RGPD2: variants seen among roughly 807,000 people sequenced by gnomAD.
RGPD2 encodes the protein RANBP2 like and GRIP domain containing 2.
RGPD2 carries 2 observed loss-of-function variants against 36.0 expected under a neutral mutation model. The observed-to-expected ratio is 0.06, with a 90% CI of 0.02 to 0.17. The LOEUF (loss-of-function observed/expected upper bound fraction) is 0.17. RGPD2 is among the 10% of genes least tolerant of loss of function. RGPD2 has a pLI of 1.00. For missense variants in RGPD2, 40 were observed against 464.3 expected, an observed-to-expected ratio of 0.09 and a Z score of 8.40; for synonymous variants, 19 against 163.8, an observed-to-expected ratio of 0.12 and a Z score of 6.75.
chr2:87,837,175 A>T, the RGPD2 span, among the ~76,000 whole-genome samples: 2 of 150,370 alleles, frequency 1.3e-5, no homozygotes, highest in African/African-American at 4.9e-5. Flanking sequence ...TCATCAAAGC[A>T]GAAAACTAAC....
At chr2:87,856,931 T>A in the RGPD2 span, among the ~76,000 whole-genome samples, 13 of 152,168 alleles carry the variant, frequency 8.5e-5, no homozygotes, top group Non-Finnish European at 1.6e-4. Context: ...TATCAGCAGA[T>A]GTTTATACTA....
At chr2:87,781,682 G>A (rs1449633330) in intron 20 of RGPD2, among the ~76,000 whole-genome samples, 3 of 149,940 alleles carry the variant, frequency 2.0e-5, no homozygotes, top group African/African-American at 7.4e-5. Flanking sequence ...GGCTGGTCTC[G>A]AACTCCTGAG....
chr2:87,988,541 A>ATATATATATATATATATTTT, the RGPD2 span, among the ~76,000 whole-genome samples: 1 of 54,148 alleles, frequency 1.8e-5, no homozygotes, highest in Non-Finnish European at 4.2e-5. Flanking sequence ...ATATATATAT[A>ATATATATATATATATATTTT]TTTTTTTTTT....
At chr2:87,930,832 GTT>G in the RGPD2 span, among the ~76,000 whole-genome samples, 4,183 of 137,000 alleles carry the variant, frequency 0.031, 193 homozygotes, top group African/African-American at 0.1. Flanking sequence ...ATTTCTTCCA[GTT>G]TTTTTTTTTT....
chr2:87,820,127 CAAAAAAAAAA>C (rs1245208969), intron 1 of RGPD2, among the ~76,000 whole-genome samples: 2 of 29,082 alleles, frequency 6.9e-5, no homozygotes, highest in African/African-American at 3.2e-4. Context: ...GATTCCATCT[CAAAAAAAAAA>C]AAAAAAAAAA....
the RGPD2 span, among the ~76,000 whole-genome samples, chr2:87,943,641 T>C: frequency 6.6e-6 from 1 of 152,068 alleles, no homozygotes; most frequent in African/African-American, 2.4e-5. Flanking sequence ...CTTTTTAGCT[T>C]AATGTAGCCT....
chr2:87,915,987 A>G, the RGPD2 span, among the ~76,000 whole-genome samples: 1 of 149,420 alleles, frequency 6.7e-6, no homozygotes, highest in Non-Finnish European at 1.5e-5. Context: ...AGTGGTGTGT[A>G]CAGAGGTTCA....
the RGPD2 span, among the ~76,000 whole-genome samples, chr2:87,854,537 CCTT>C: frequency 6.9e-6 from 1 of 145,426 alleles, no homozygotes; most frequent in Non-Finnish European, 1.5e-5. Context: ...TAAATATTCA[CCTT>C]CTGTGTTGGT....
chr2:87,958,680 G>A, the RGPD2 span, among the ~76,000 whole-genome samples: 1 of 152,246 alleles, frequency 6.6e-6, no homozygotes, highest in African/African-American at 2.4e-5. Context: ...TAGGTTCAGG[G>A]ATACATGTTT....
At chr2:87,847,562 A>C in the RGPD2 span, among the ~76,000 whole-genome samples, 2 of 149,034 alleles carry the variant, frequency 1.3e-5, no homozygotes, top group Admixed American at 6.7e-5. Flanking sequence ...GCAGTGGCGC[A>C]ATCTCGACTC....
the RGPD2 span, among the ~76,000 whole-genome samples, chr2:87,915,372 TATTA>T: frequency 7.9e-6 from 1 of 127,126 alleles, no homozygotes; most frequent in African/African-American, 2.9e-5. Flanking sequence ...TATATATGTA[TATTA>T]TATATATTGT....
chr2:87,882,650 C>T, the RGPD2 span, among the ~76,000 whole-genome samples: 24 of 152,102 alleles, frequency 1.6e-4, no homozygotes, highest in African/African-American at 3.9e-4. Context: ...AATTTTGATA[C>T]GGATTCCATT....
the RGPD2 span, chr2:87,972,676 G>A: frequency 4.6e-6 from 7 of 1,533,112 alleles, no homozygotes; most frequent in South Asian, 3.6e-5. Context: ...CCAGCAGCGG[G>A]AACGGCAGCG....
At chr2:87,972,792 A>C in the RGPD2 span, 6 of 1,611,632 alleles carry the variant, frequency 3.7e-6, no homozygotes, top group Admixed American at 3.3e-5. Context: ...TGCTGCAGGG[A>C]GACTGGCTGC....
the RGPD2 span, among the ~76,000 whole-genome samples, chr2:87,958,385 T>A: frequency 6.6e-6 from 1 of 151,840 alleles, no homozygotes; most frequent in East Asian, 1.9e-4. Context: ...TTCTGATACA[T>A]CTGTTAGTGG....
chr2:87,879,510 A>G, the RGPD2 span, among the ~76,000 whole-genome samples: 13 of 113,586 alleles, frequency 1.1e-4, no homozygotes, highest in East Asian at 9.5e-4. Context: ...CCTACTCTCT[A>G]TCTCCATTAG....
At chr2:87,881,047 T>A in the RGPD2 span, among the ~76,000 whole-genome samples, 2 of 152,030 alleles carry the variant, frequency 1.3e-5, no homozygotes, top group African/African-American at 4.8e-5. Context: ...ATAATCTCCG[T>A]TGAATACATG....
upstream of RGPD2, among the ~76,000 whole-genome samples, chr2:87,827,091 G>A (rs1218771239): frequency 6.0e-5 from 9 of 150,970 alleles, no homozygotes; most frequent in African/African-American, 1.5e-4. Flanking sequence ...TCTCTCTCTC[G>A]TGCTCTCTTT....
At chr2:87,876,229 G>C in the RGPD2 span, among the ~76,000 whole-genome samples, 1 of 139,864 alleles carries the variant, frequency 7.1e-6, no homozygotes, top group Non-Finnish European at 1.5e-5. Context: ...CTTCAGTTCA[G>C]CTCTGATCTT....
Sources: gnomAD v4.1 joint callset for allele counts (sites outside exome capture counted in the v4.1 genomes callset) on GRCh38, gnomAD v4.1.1 for gene constraint, MANE v1.5 for transcripts, NCBI Gene and HGNC (gene_info 2026-07-23, HGNC 2026-07-21) for gene names.